The following GRK3 variants were observed in gnomAD, a reference collection of about 807,000 sequenced individuals.
The protein encoded by GRK3 is G protein-coupled receptor kinase 3, also known as adrenergic, beta, receptor kinase 2.
A neutral mutation model predicts 95.7 loss-of-function variants in GRK3; 54 were observed. That is an observed-to-expected ratio of 0.56 (90% CI 0.45 to 0.71). The LOEUF (loss-of-function observed/expected upper bound fraction) is 0.71. Ranked by LOEUF, GRK3 falls within the 30% of genes least tolerant of loss-of-function variation. The pLI is 0.00. For synonymous variants in GRK3, 281 were observed against 290.8 expected (o/e 0.97, Z 0.34); for missense variants, 649 against 851.2 (o/e 0.76, Z 2.96).
intron 1 of GRK3, among the ~76,000 whole-genome samples, chr22:25,584,618 G>C (rs1246728754): frequency 6.6e-6 from 1 of 152,294 alleles, no homozygotes; most frequent in Non-Finnish European, 1.5e-5. Context: ...ATGAAATTGT[G>C]AAGAGTATAT....
intron 1 of GRK3, among the ~76,000 whole-genome samples, chr22:25,581,980 T>A (rs1160765921): frequency 6.6e-6 from 1 of 152,184 alleles, no homozygotes; most frequent in Non-Finnish European, 1.5e-5. Context: ...ATAATCATTT[T>A]AAAATAAATA....
intron 1 of GRK3, among the ~76,000 whole-genome samples, chr22:25,601,724 AAAAG>A (rs1160033279): frequency 1.3e-5 from 2 of 152,200 alleles, no homozygotes; most frequent in African/African-American, 4.8e-5. Context: ...TTAATGGAGA[AAAAG>A]AAAGAAGGAA....
rs187617704 is a variant in GRK3, at chr22:25,573,953, A to C, written c.113+8800A>C. Among the ~76,000 whole-genome samples the C allele has an allele frequency of 1.5e-3, 223 of 152,214 alleles. 1 individual carries two copies. The highest frequency in any genetic ancestry group is 5.1e-3 in the African/African-American group (210 of 41,518). ...CAACCAACCAACCAACCAAACAACA[A>C]CACCAACAACACCACCACCAACAAC... is the stretch of plus-strand genomic sequence containing the variant. On this transcript the variant is annotated intron_variant, in intron 1 of 20. Transcript: ENST00000324198.
chr22:25,609,506 AT>A (rs1169286668), intron 2 of GRK3, among the ~76,000 whole-genome samples: 1 of 151,696 alleles, frequency 6.6e-6, no homozygotes, highest in East Asian at 1.9e-4. Flanking sequence ...TAATTTTTGT[AT>A]TTTTAGTAGA....
intron 14 of GRK3, 47 bp from the exon 15 acceptor site, chr22:25,704,062 G>C (rs1354489086): frequency 1.4e-6 from 2 of 1,399,582 alleles, no homozygotes; most frequent in Admixed American, 3.4e-5. Context: ...GTGTTAGGAT[G>C]CTGTTTCATG....
At chr22:25,626,280 C>T (rs113934003) in intron 2 of GRK3, among the ~76,000 whole-genome samples, 9 of 152,284 alleles carry the variant, frequency 5.9e-5, no homozygotes, top group African/African-American at 2.2e-4. Flanking sequence ...GTCTCCAAGT[C>T]GTCTTGCCGT....
intron 6 of GRK3, among the ~76,000 whole-genome samples, chr22:25,668,589 C>T (rs2084958089): frequency 6.6e-6 from 1 of 152,202 alleles, no homozygotes; most frequent in East Asian, 1.9e-4. Context: ...TATCCTGGAG[C>T]AGAGTCAATA....
At chr22:25,714,637 GA>G in intron 18 of GRK3, 67 bp downstream of exon 18, 1 of 1,434,754 alleles carries the variant, frequency 7.0e-7, no homozygotes, top group Non-Finnish European at 9.3e-7. Context: ...TTGTAAAGCT[GA>G]AAAAGTATTT....
At chr22:25,606,158 C>T (rs1276252118) in intron 2 of GRK3, among the ~76,000 whole-genome samples, 5 of 152,234 alleles carry the variant, frequency 3.3e-5, no homozygotes, top group African/African-American at 1.2e-4. Flanking sequence ...ACGGATTGTT[C>T]TCTGAGAGCA....
intron 2 of GRK3, among the ~76,000 whole-genome samples, chr22:25,604,970 A>G (rs1343628765): frequency 6.6e-6 from 1 of 152,156 alleles, no homozygotes. Context: ...TGATGAGGAG[A>G]TGTAGACACA....
chr22:25,565,138 T>C lies in GRK3; in HGVS notation c.98T>C (p.Val33Ala). Residue 33 changes from valine to alanine, a missense_variant, in exon 1 of 21, where the codon GTC becomes GCC. Physicochemically the swap from Val to Ala is moderately conservative, Grantham distance 64 (BLOSUM62 0). Transcript: ENST00000324198. ...TPAARASKRI[V>A]LPEPSIRSVM... Reference sequence around the variant, plus strand: ...GCCGCCCGCGCCAGCAAGAGGATCGTCCTGCCGGAGCCCAGGTACCAGCTG... The same window carrying C: ...GCCGCCCGCGCCAGCAAGAGGATCGCCCTGCCGGAGCCCAGGTACCAGCTG... The C allele has an allele frequency of 1.3e-6, 2 of 1,534,708 alleles. No homozygotes were observed. Among genetic ancestry groups the C allele is most frequent in the Admixed American group, 2.0e-5 (1 of 49,746 alleles).
chr22:25,607,434 A>C (rs1442698356), intron 2 of GRK3, among the ~76,000 whole-genome samples: 1 of 152,040 alleles, frequency 6.6e-6, no homozygotes, highest in African/African-American at 2.4e-5. Context: ...ATTTCTTGTA[A>C]TCTAGACCAG....
At chr22:25,649,238 C>A (rs756740322) in intron 3 of GRK3, 3 of 1,216,870 alleles carry the variant, frequency 2.5e-6, no homozygotes, top group Non-Finnish European at 3.7e-6. Context: ...ACTTCTAATT[C>A]AAGTAGCCTA....
At chr22:25,702,890 C>T (rs1424863657) in intron 13 of GRK3, 1 of 455,986 alleles carries the variant, frequency 2.2e-6, no homozygotes, top group African/African-American at 2.0e-5. Context: ...GTCACTAAAC[C>T]AACAAGTCAC....
intron 1 of GRK3, among the ~76,000 whole-genome samples, chr22:25,588,882 C>T (rs1454190851): frequency 6.6e-6 from 1 of 151,798 alleles, no homozygotes; most frequent in East Asian, 1.9e-4. Flanking sequence ...AATTCTCCTA[C>T]CTCAGCCTCC....
At chr22:25,718,151 CA>C in intron 18 of GRK3, 93 bp from the exon 19 acceptor site, 5 of 1,408,388 alleles carry the variant, frequency 3.6e-6, no homozygotes, top group Non-Finnish European at 4.9e-6. Context: ...CTGCTTTTTC[CA>C]AAAAGCATGT....
intron 9 of GRK3, among the ~76,000 whole-genome samples, chr22:25,682,780 C>G (rs2085084651): frequency 6.6e-6 from 1 of 152,224 alleles, no homozygotes; most frequent in African/African-American, 2.4e-5. Context: ...GCACCCAGAT[C>G]AAGAGACGGA....
chr22:25,586,413 A>G (rs1403702586), intron 1 of GRK3, among the ~76,000 whole-genome samples: 1 of 152,296 alleles, frequency 6.6e-6, no homozygotes, highest in Non-Finnish European at 1.5e-5. Context: ...GGGGTTGGAT[A>G]CTCCATTCTT....
At chr22:25,624,710 A>G (rs1443724905) in intron 2 of GRK3, among the ~76,000 whole-genome samples, 2 of 152,164 alleles carry the variant, frequency 1.3e-5, no homozygotes, top group Non-Finnish European at 2.9e-5. Context: ...AATGTTTCCC[A>G]ACTGATCCTT....
Sources: allele counts gnomAD v4.1 joint callset (sites outside exome capture counted in the v4.1 genomes callset), GRCh38; gene constraint gnomAD v4.1.1; transcripts MANE v1.5; gene names NCBI Gene and HGNC (gene_info 2026-07-23, HGNC 2026-07-21).